Variants in STAU2 observed in about 807,000 individuals in gnomAD.
STAU2 encodes staufen double-stranded RNA binding protein 2.
In STAU2, 20 loss-of-function variants were observed where a neutral mutation model predicts 65.9. That is an observed-to-expected ratio of 0.30 (90% CI 0.21 to 0.44). The LOEUF (loss-of-function observed/expected upper bound fraction) is 0.44. STAU2 is among the 20% of genes least tolerant of loss of function. The pLI is 1.00. For missense variants in STAU2, 558 were observed against 683.9 expected, an observed-to-expected ratio of 0.82 and a Z score of 2.05; for synonymous variants, 232 against 233.9, an observed-to-expected ratio of 0.99 and a Z score of 0.07.
At chr8:73,557,483 T>A (rs1349237133) in intron 12 of STAU2, among the ~76,000 whole-genome samples, 2 of 152,160 alleles carry the variant, frequency 1.3e-5, no homozygotes, top group Admixed American at 1.3e-4. Context: ...TAATTTAGGG[T>A]ATGCATATTT....
chr8:73,653,896 T>A (rs1342747495), intron 6 of STAU2: 1 of 442,966 alleles, frequency 2.3e-6, no homozygotes, highest in African/African-American at 2.0e-5. Context: ...TAACTCTTCA[T>A]CTGAAAATCA....
Position 73,595,704 on chromosome 8 carries a change from C to T in STAU2, c.1030-407G>A, listed in dbSNP as rs530637119. ...GAAAAGGCTAAAATTCATATTGGTG[C>T]CATTTAAAATAATGTTCAAATTGCA... is the stretch of plus-strand genomic sequence containing the variant. On this transcript the variant is annotated intron_variant, in intron 10 of 14. Coordinates refer to ENST00000524300, the MANE Select transcript of STAU2 (RefSeq NM_001164380.2). Among the ~76,000 whole-genome samples the T allele has an allele frequency of 2.0e-5, 3 of 152,100 alleles. No individual in the cohort carries two copies. The South Asian group carries it at 6.2e-4, about 32-fold the overall frequency.
At chr8:73,542,360 A>G (rs1369894553) in intron 13 of STAU2, among the ~76,000 whole-genome samples, 1 of 152,156 alleles carries the variant, frequency 6.6e-6, no homozygotes, top group Non-Finnish European at 1.5e-5. Flanking sequence ...TAAATATAAA[A>G]GCTAAAAGCA....
intron 6 of STAU2, among the ~76,000 whole-genome samples, chr8:73,657,736 G>A (rs772998205): frequency 6.6e-6 from 1 of 152,172 alleles, no homozygotes; most frequent in Admixed American, 6.5e-5. Context: ...TTCAGAGGCC[G>A]GGTACAGTGG....
chr8:73,705,761 G>A (rs1820463371), intron 4 of STAU2, among the ~76,000 whole-genome samples: 1 of 152,126 alleles, frequency 6.6e-6, no homozygotes, highest in African/African-American at 2.4e-5. Flanking sequence ...ATTACAAGTT[G>A]TTCAGAATTT....
At chr8:73,732,521 T>G (rs1237381235) in intron 3 of STAU2, 1 of 152,194 alleles carries the variant, frequency 6.6e-6, no homozygotes, top group Non-Finnish European at 1.5e-5. Context: ...TAGGGGAAAG[T>G]AGAAGTCTTT....
intron 13 of STAU2, among the ~76,000 whole-genome samples, chr8:73,454,866 C>G (rs1818978064): frequency 6.6e-6 from 1 of 152,146 alleles, no homozygotes; most frequent in African/African-American, 2.4e-5. Flanking sequence ...TGTGCCTCCC[C>G]ACAAGACAAT....
At chr8:73,562,893 T>C (rs1438254734) in intron 12 of STAU2, among the ~76,000 whole-genome samples, 2 of 152,022 alleles carry the variant, frequency 1.3e-5, no homozygotes, top group East Asian at 3.8e-4. Context: ...AAAGGGCTGC[T>C]TGAGCTCAGG....
intron 14 of STAU2, 123 bp downstream of exon 14, chr8:73,422,491 A>G (rs1203138406): frequency 3.0e-6 from 2 of 656,590 alleles, no homozygotes; most frequent in Admixed American, 4.1e-5. Flanking sequence ...ATTTAATTGT[A>G]TTATTAATAA....
intron 13 of STAU2, among the ~76,000 whole-genome samples, chr8:73,448,874 C>G (rs1204212005): frequency 1.3e-5 from 2 of 152,234 alleles, no homozygotes; most frequent in African/African-American, 2.4e-5. Context: ...CTGCCGTGGG[C>G]GCTAGGGGCC....
intron 13 of STAU2, chr8:73,551,360 G>A: frequency 2.0e-6 from 2 of 987,152 alleles, no homozygotes; most frequent in Non-Finnish European, 2.4e-6. Context: ...CAGTGAAACA[G>A]AATTGTTGGT....
intron 11 of STAU2, among the ~76,000 whole-genome samples, chr8:73,588,155 G>C (rs1230503447): frequency 6.6e-6 from 1 of 152,112 alleles, no homozygotes; most frequent in Non-Finnish European, 1.5e-5. Flanking sequence ...AAAGACAATT[G>C]CAACTTTTCT....
At position 73,442,750 on chromosome 8, in the gene STAU2, A is replaced by G. The variant is rs13439678; in HGVS notation, c.1531-20048T>C. Among the ~76,000 whole-genome samples, 1,067 of 152,356 alleles carry G rather than the reference A, an allele frequency of 7.0e-3. 16 individuals carry two copies. The highest frequency in any genetic ancestry group is 0.025 in the African/African-American group (1,020 of 41,582). The stretch of plus-strand genomic sequence containing the variant: ...TAAAAGTATAAGAATTTATTCCATG[A>G]TCAGTGATGGAATCCTAATCCATCT... On this transcript the variant is annotated intron_variant, in intron 13 of 14. Transcript: ENST00000524300.
At chr8:73,688,465 C>T (rs1819100334) in intron 5 of STAU2, among the ~76,000 whole-genome samples, 189 bp downstream of exon 5, 1 of 151,068 alleles carries the variant, frequency 6.6e-6, no homozygotes, top group African/African-American at 2.5e-5. Flanking sequence ...CGCACCAAGC[C>T]TCCTTCAGTT....
At chr8:73,728,938 C>T (rs1238438848) in intron 3 of STAU2, among the ~76,000 whole-genome samples, 2 of 152,166 alleles carry the variant, frequency 1.3e-5, no homozygotes, top group African/African-American at 4.8e-5. Context: ...ACTGCTCTGG[C>T]TATAACTTCC....
At chr8:73,672,360 G>A (rs1202813137) in intron 6 of STAU2, 1 of 112,408 alleles carries the variant, frequency 8.9e-6, no homozygotes. Flanking sequence ...CAAAGACAAA[G>A]AGGTCTGAGG....
At chr8:73,518,708 T>C (rs1284899440) in intron 13 of STAU2, among the ~76,000 whole-genome samples, 1 of 152,222 alleles carries the variant, frequency 6.6e-6, no homozygotes, top group Non-Finnish European at 1.5e-5. Flanking sequence ...TCGTCCACAG[T>C]CTATTTTTAG....
At chr8:73,628,221 G>A (rs1357313243) in intron 6 of STAU2, among the ~76,000 whole-genome samples, 1 of 150,864 alleles carries the variant, frequency 6.6e-6, no homozygotes, top group African/African-American at 2.4e-5. Flanking sequence ...CCACAAGCAT[G>A]TGCCATCATG....
chr8:73,486,654 TATA>T (rs1051351547), intron 13 of STAU2, among the ~76,000 whole-genome samples: 14 of 77,826 alleles, frequency 1.8e-4, no homozygotes, highest in African/African-American at 1.0e-3. Flanking sequence ...TATATATATA[TATA>T]TTTTTTTTTT....
Sources: allele counts gnomAD v4.1 joint callset (sites outside exome capture counted in the v4.1 genomes callset), GRCh38; gene constraint gnomAD v4.1.1; transcripts MANE v1.5; gene names NCBI Gene and HGNC (gene_info 2026-07-23, HGNC 2026-07-21).